Variants in RFX3 observed in about 807,000 individuals in gnomAD.
The protein encoded by RFX3 is regulatory factor X3, also known as transcription factor RFX3.
In RFX3, 14 loss-of-function variants were observed where a neutral mutation model predicts 98.6. The observed-to-expected ratio is 0.14, with a 90% CI of 0.09 to 0.22. The LOEUF (loss-of-function observed/expected upper bound fraction) is 0.22. Among genes scored for constraint, RFX3 ranks in the 10% least tolerant of loss-of-function variants. The pLI is 1.00. For missense variants in RFX3, 639 were observed against 926.9 expected (o/e 0.69, Z 4.03); for synonymous variants, 383 against 328.4 (o/e 1.17, Z -1.80).
chr9:3,429,770 G>A (rs1038032383), intron 1 of RFX3, among the ~76,000 whole-genome samples: 10 of 152,168 alleles, frequency 6.6e-5, no homozygotes, highest in African/African-American at 2.2e-4. Flanking sequence ...TATAGCAGAT[G>A]TATCTTAGCG....
chr9:3,299,730 T>C lies in RFX3; in HGVS notation c.549+1816A>G, dbSNP rs13297848. On this transcript the variant is annotated intron_variant, in intron 5 of 16. Coordinates refer to ENST00000617270, the MANE Select transcript of RFX3 (RefSeq NM_001282116.2). ...TTTATTAATCTTAAACATTCTTTCA[T>C]GAATTCTATAAAGAAAAATAATTGT... Among the ~76,000 whole-genome samples, 612 of 151,920 alleles carry C rather than the reference T, an allele frequency of 4.0e-3. 4 individuals carry two copies. The highest frequency in any genetic ancestry group is 0.014 in the African/African-American group (563 of 41,548).
intron 2 of RFX3, among the ~76,000 whole-genome samples, chr9:3,351,395 T>C (rs558568047): frequency 8.6e-5 from 13 of 151,938 alleles, no homozygotes; most frequent in African/African-American, 3.1e-4. Context: ...CATGCCAATA[T>C]TTATAGACTA....
intron 2 of RFX3, among the ~76,000 whole-genome samples, chr9:3,386,357 C>A (rs1453766560): frequency 1.3e-5 from 2 of 151,632 alleles, no homozygotes; most frequent in Admixed American, 6.6e-5. Context: ...ATATTAAAGG[C>A]TTATTATAAT....
At chr9:3,416,072 C>T (rs1337888356) in intron 1 of RFX3, among the ~76,000 whole-genome samples, 1 of 152,196 alleles carries the variant, frequency 6.6e-6, no homozygotes, top group Non-Finnish European at 1.5e-5. Flanking sequence ...AGATAATTTA[C>T]TGTGTAAGTA....
chr9:3,405,744 T>C (rs1270697155), intron 1 of RFX3, among the ~76,000 whole-genome samples: 3 of 152,102 alleles, frequency 2.0e-5, no homozygotes, highest in African/African-American at 7.2e-5. Flanking sequence ...CACCCACATA[T>C]CTATATCTCG....
intron 4 of RFX3, among the ~76,000 whole-genome samples, chr9:3,329,407 C>CAAAAAAAAAAAAAAAAAAAAAAAAA (rs1202028884): frequency 1.6e-4 from 6 of 38,134 alleles, no homozygotes; most frequent in Admixed American, 2.8e-4. Flanking sequence ...GACTTCATCT[C>CAAAAAAAAAAAAAAAAAAAAAAAAA]AAAAAAAAAA....
intron 3 of RFX3, among the ~76,000 whole-genome samples, chr9:3,337,850 A>G (rs1458687783): frequency 6.6e-6 from 1 of 152,170 alleles, no homozygotes; most frequent in East Asian, 1.9e-4. Flanking sequence ...CCTCTGCCTT[A>G]AACAGTTTCA....
chr9:3,254,347 G>GA (rs1563807712), intron 14 of RFX3, among the ~76,000 whole-genome samples: 1 of 151,636 alleles, frequency 6.6e-6, no homozygotes, highest in African/African-American at 2.4e-5. Context: ...GCAGTAGGAA[G>GA]AAAAAAAGCA....
chr9:3,488,796 T>G (rs2133468806), intron 1 of RFX3: 2 of 985,350 alleles, frequency 2.0e-6, no homozygotes, highest in Non-Finnish European at 2.4e-6. Flanking sequence ...AAGTTTGAAA[T>G]GGAGGTTACA....
intron 1 of RFX3, among the ~76,000 whole-genome samples, chr9:3,521,420 T>A (rs1564202147): frequency 6.6e-6 from 1 of 152,160 alleles, no homozygotes; most frequent in Non-Finnish European, 1.5e-5. Context: ...CTTCAATGCA[T>A]ATATAATTAA....
chr9:3,350,521 T>C (rs1460670714), intron 2 of RFX3, among the ~76,000 whole-genome samples: 1 of 152,106 alleles, frequency 6.6e-6, no homozygotes, highest in Non-Finnish European at 1.5e-5. Context: ...CTAACAACAC[T>C]AAACATAATC....
chr9:3,525,926 AAGAG>A lies in RFX3; in HGVS notation c.-192_-189del, dbSNP rs1189123449. On this transcript the variant is annotated 5_prime_UTR_variant, in exon 1 of 17. Coordinates refer to ENST00000617270, the MANE Select transcript of RFX3 (RefSeq NM_001282116.2). ...AGGCAACGGTTGCTATAACTCACAA[AAGAG>A]AGAGAGAGAGGGAGAGAGAGAGAGA... is the stretch of plus-strand genomic sequence containing the variant. The A allele has an allele frequency of 5.4e-5, 52 of 956,646 alleles. No homozygotes were observed. Among genetic ancestry groups the A allele is most frequent in the South Asian group, 9.7e-5 (2 of 20,572 alleles). 59.3% of individuals were successfully genotyped at this position (956,646 alleles called of 1,614,324 possible). A position where few individuals can be genotyped will look rare whatever the true frequency, so the allele number is the denominator to read the frequency against.
At position 3,221,481 on chromosome 9, in the gene RFX3, T is replaced by G. The variant is rs1025975327; in HGVS notation, c.*3561A>C. 6.6e-6 allele frequency: 1 copy of G among 152,158 alleles called. No individual in the cohort carries two copies. The highest frequency in any genetic ancestry group is 2.1e-4 in the South Asian group (1 of 4,830). 9.4% of individuals were successfully genotyped at this position (152,158 alleles called of 1,614,324 possible). On this transcript the variant is annotated 3_prime_UTR_variant, in exon 17 of 17. Transcript: ENST00000617270. ...TTAAAACCATTTTCTAAATTTTACT[T>G]TTGTTTTTAAAGTACACCATCTAAA...
At chr9:3,300,316 G>T (rs1828496533) in intron 5 of RFX3, among the ~76,000 whole-genome samples, 4 of 151,614 alleles carry the variant, frequency 2.6e-5, no homozygotes, top group Admixed American at 2.6e-4. Context: ...TGTATAATTT[G>T]TCACCAAATT....
In RFX3 at chr9:3,465,531, C is replaced by G. The variant is rs548933708; in HGVS notation, c.-9+60216G>C. Among the ~76,000 whole-genome samples, 27 of 150,782 alleles carry G rather than the reference C, an allele frequency of 1.8e-4. No individual in the cohort carries two copies. The South Asian group carries it at 3.6e-3, about 20-fold the overall frequency. On this transcript the variant is annotated intron_variant, in intron 1 of 16. Transcript: ENST00000617270. ...TTTAGCCAGCCTGGTCTTGAACTCC[C>G]GACCTTAGGTGATCCACCTGCCTCA... is the stretch of plus-strand genomic sequence containing the variant.
chr9:3,306,398 A>T (rs1341756965), intron 4 of RFX3, among the ~76,000 whole-genome samples: 1 of 152,016 alleles, frequency 6.6e-6, no homozygotes, highest in African/African-American at 2.4e-5. Context: ...TGATAGTGGG[A>T]AATTCGTTAA....
At chr9:3,431,025 G>A (rs1253491937) in intron 1 of RFX3, among the ~76,000 whole-genome samples, 1 of 152,154 alleles carries the variant, frequency 6.6e-6, no homozygotes, top group Non-Finnish European at 1.5e-5. Context: ...ATGTAAAGAT[G>A]CCGTATTAAA....
At chr9:3,499,550 T>C (rs1815752391) in intron 1 of RFX3, among the ~76,000 whole-genome samples, 1 of 152,058 alleles carries the variant, frequency 6.6e-6, no homozygotes, top group Admixed American at 6.6e-5. Flanking sequence ...TGAATGTAAA[T>C]GAGAAGAAAA....
intron 14 of RFX3, among the ~76,000 whole-genome samples, chr9:3,252,015 A>G (rs557522813): frequency 1.1e-4 from 16 of 152,124 alleles, no homozygotes; most frequent in Admixed American, 9.8e-4. Flanking sequence ...CGCCTGGCTA[A>G]TTTTGTATTT....
Sources: gnomAD v4.1 joint callset for allele counts (sites outside exome capture counted in the v4.1 genomes callset) on GRCh38, gnomAD v4.1.1 for gene constraint, MANE v1.5 for transcripts, NCBI Gene and HGNC (gene_info 2026-07-23, HGNC 2026-07-21) for gene names.